The following ADCY5 variants were observed in gnomAD, a reference collection of about 807,000 sequenced individuals.
ADCY5 encodes the protein adenylate cyclase type 5.
ADCY5 carries 30 observed loss-of-function variants against 119.7 expected under a neutral mutation model. That is an observed-to-expected ratio of 0.25 (90% CI 0.19 to 0.34). The LOEUF (loss-of-function observed/expected upper bound fraction) is 0.34. ADCY5 is among the 10% of genes least tolerant of loss of function. ADCY5 has a pLI of 1.00. For synonymous variants in ADCY5, 753 were observed against 762.2 expected (o/e 0.99, Z 0.20); for missense variants, 1,324 against 1,775.2 (o/e 0.75, Z 4.57).
intron 8 of ADCY5, among the ~76,000 whole-genome samples, chr3:123,321,739 A>G (rs893702901): frequency 6.6e-6 from 1 of 152,196 alleles, no homozygotes; most frequent in Non-Finnish European, 1.5e-5. Flanking sequence ...CAATGAGGAC[A>G]CGGTTTGAAA....
chr3:123,390,015 C>G (rs1944355746), intron 1 of ADCY5, among the ~76,000 whole-genome samples: 1 of 152,164 alleles, frequency 6.6e-6, no homozygotes, highest in Admixed American at 6.5e-5. Flanking sequence ...AGGGCCTGTA[C>G]AGGGCTGGGT....
intron 1 of ADCY5, among the ~76,000 whole-genome samples, chr3:123,383,397 C>T (rs750197033): frequency 4.6e-5 from 7 of 152,190 alleles, no homozygotes; most frequent in South Asian, 2.1e-4. Context: ...GAGGCAAGCG[C>T]GAAGGCCCAC....
chr3:123,382,642 A>AGGG (rs1944068543), intron 1 of ADCY5, among the ~76,000 whole-genome samples: 1 of 152,244 alleles, frequency 6.6e-6, no homozygotes, highest in African/African-American at 2.4e-5. Flanking sequence ...CCTCAAAAAC[A>AGGG]TTATGCTAAG....
intron 3 of ADCY5, among the ~76,000 whole-genome samples, chr3:123,341,680 T>C (rs1049182510): frequency 6.6e-6 from 1 of 152,074 alleles, no homozygotes; most frequent in Non-Finnish European, 1.5e-5. Flanking sequence ...TCCATTAATT[T>C]TTTTTTTTAA....
Position 123,352,728 on chromosome 3 carries a change from G to A in ADCY5, c.1135-147C>T. 1.1e-6 allele frequency: 1 copy of A among 916,792 alleles called. No homozygotes were observed. Among genetic ancestry groups the A allele is most frequent in the South Asian group, 1.8e-5 (1 of 54,324 alleles). 56.8% of individuals were successfully genotyped at this position (916,792 alleles called of 1,614,324 possible). A position where few individuals can be genotyped will look rare whatever the true frequency, so the allele number is the denominator to read the frequency against. ...CACCCCACACGCGGCCAACCACTGT[G>A]AGCAGCCGAGCATAATCGATCGGGC... is the stretch of plus-strand genomic sequence containing the variant. On this transcript the variant is annotated intron_variant, in intron 1 of 20. Coordinates refer to ENST00000462833, the MANE Select transcript of ADCY5 (RefSeq NM_183357.3). The surrounding 1 kb of genome is among the most constrained non-coding windows in gnomAD (Gnocchi z 4.8).
At chr3:123,350,477 C>T (rs531002677) in intron 2 of ADCY5, among the ~76,000 whole-genome samples, 1 of 152,168 alleles carries the variant, frequency 6.6e-6, no homozygotes. Flanking sequence ...TGGGAGAGAC[C>T]GTGCTACAAA....
chr3:123,435,993 C>T (rs143029830), intron 1 of ADCY5, among the ~76,000 whole-genome samples: 2,462 of 150,606 alleles, frequency 0.016, 71 homozygotes, highest in African/African-American at 0.052. Context: ...CGGGTTCAAG[C>T]GATTCTCCTG....
Position 123,289,802 on chromosome 3 carries a change from G to C in ADCY5, c.3480C>G (p.Asp1160Glu), listed in dbSNP as rs1181176391. The stretch of plus-strand genomic sequence containing the variant: ...AGTGCTCATTGATGTACTTCATCTG[G>C]TCCATCAGCTTCATGGCAAAGTCGG... ...ALADFAMKLM[D>E]QMKYINEHSF... is the part of the protein sequence containing the mutation. Residue 1160 changes from aspartate to glutamate, a missense_variant, in exon 19 of 21, where the codon GAC becomes GAG. Around this residue, in one of 6 missense-constraint regions of ADCY5, gnomAD observed 178 missense variants for 329.6 expected, o/e 0.54. Transcript: ENST00000462833. 1 of 1,614,100 alleles carries C rather than the reference G, an allele frequency of 6.2e-7. No homozygotes were observed. Among genetic ancestry groups the C allele is most frequent in the Non-Finnish European group, 8.5e-7 (1 of 1,180,056 alleles).
At chr3:123,320,808 T>A (rs1941180957) in intron 8 of ADCY5, 37 bp from the exon 9 acceptor site, 4 of 1,503,418 alleles carry the variant, frequency 2.7e-6, no homozygotes, top group Non-Finnish European at 3.7e-6. Context: ...GAGAAGAGAA[T>A]GAGAACAGAG....
At chr3:123,285,045 T>C (rs1211366666) in intron 20 of ADCY5, among the ~76,000 whole-genome samples, 2 of 152,198 alleles carry the variant, frequency 1.3e-5, no homozygotes, top group South Asian at 2.1e-4. Context: ...GAGTCCAGAA[T>C]AAGTTCAGGA....
chr3:123,448,682 G>T lies in ADCY5; in HGVS notation c.-137C>A. ...GGGCGGCCCGGGGCCCTGCGCTGCA[G>T]CGGGGCATCTTGGCACCCCCGTCCT... On this transcript the variant is annotated 5_prime_UTR_variant, in exon 1 of 21. The change creates a new upstream start codon in the 5' untranslated region. Coordinates refer to ENST00000462833, the MANE Select transcript of ADCY5 (RefSeq NM_183357.3). 1.3e-6 allele frequency: 1 copy of T among 763,156 alleles called. No homozygotes were observed. The highest frequency in any genetic ancestry group is 1.8e-6 in the Non-Finnish European group (1 of 559,542). The allele number at this position is 763,156 out of a possible 1,614,324, so 47.3% of individuals were successfully genotyped here.
At chr3:123,404,859 T>C (rs1039858034) in intron 1 of ADCY5, among the ~76,000 whole-genome samples, 3 of 152,258 alleles carry the variant, frequency 2.0e-5, no homozygotes, top group Admixed American at 6.5e-5. Flanking sequence ...GAGACCTCTC[T>C]GCTGAAACAC....
intron 15 of ADCY5, among the ~76,000 whole-genome samples, chr3:123,298,207 C>T (rs1178627304): frequency 6.6e-6 from 1 of 152,142 alleles, no homozygotes; most frequent in Non-Finnish European, 1.5e-5. Context: ...GTAGGCCAGG[C>T]TGGACTCAAG....
chr3:123,394,184 C>T (rs1249077211), intron 1 of ADCY5, among the ~76,000 whole-genome samples: 1 of 152,030 alleles, frequency 6.6e-6, no homozygotes, highest in African/African-American at 2.4e-5. Context: ...TAAAGAGATA[C>T]ACATAATTTT....
At chr3:123,315,769 T>A (rs1196337443) in intron 11 of ADCY5, among the ~76,000 whole-genome samples, 1 of 152,090 alleles carries the variant, frequency 6.6e-6, no homozygotes, top group East Asian at 1.9e-4. Context: ...CCCGGCTGAT[T>A]TTTTGCATTT....
At chr3:123,403,520 T>G (rs1249943352) in intron 1 of ADCY5, among the ~76,000 whole-genome samples, 1 of 151,808 alleles carries the variant, frequency 6.6e-6, no homozygotes, top group Non-Finnish European at 1.5e-5. Context: ...GGGATGGCAA[T>G]AACACCCATG....
chr3:123,394,126 T>C (rs1944476775), intron 1 of ADCY5, among the ~76,000 whole-genome samples: 1 of 151,368 alleles, frequency 6.6e-6, no homozygotes, highest in South Asian at 2.1e-4. Flanking sequence ...TGAGACTCTA[T>C]CTCAAAAAAA....
intron 15 of ADCY5, among the ~76,000 whole-genome samples, chr3:123,298,531 C>G (rs1939652702): frequency 6.6e-6 from 1 of 152,192 alleles, no homozygotes; most frequent in Non-Finnish European, 1.5e-5. Context: ...TCTTTGTGGT[C>G]ATCTGCCCAT....
intron 3 of ADCY5, among the ~76,000 whole-genome samples, chr3:123,343,731 A>C (rs1338651473): frequency 6.6e-6 from 1 of 152,064 alleles, no homozygotes; most frequent in African/African-American, 2.4e-5. Context: ...CAGCTCCCCC[A>C]GCCCTGGCGC....
Sources: allele counts gnomAD v4.1 joint callset (sites outside exome capture counted in the v4.1 genomes callset), GRCh38; gene constraint gnomAD v4.1.1; regional missense constraint gnomAD v4.1.1; non-coding constraint Gnocchi (gnomAD v3.1); transcripts MANE v1.5; gene names NCBI Gene and HGNC (gene_info 2026-07-23, HGNC 2026-07-21).